The following WAC variants were observed in gnomAD, a reference collection of about 807,000 sequenced individuals.
WAC encodes WW domain-containing adapter protein with coiled-coil.
A neutral mutation model predicts 79.6 loss-of-function variants in WAC; 11 were observed. The observed-to-expected ratio is 0.14, with a 90% CI of 0.09 to 0.23. The LOEUF is 0.23. Ranked by LOEUF, WAC falls within the 10% of genes least tolerant of loss-of-function variation. WAC has a pLI of 1.00. For missense variants in WAC, 728 were observed against 773.5 expected (o/e 0.94, Z 0.70); for synonymous variants, 304 against 276.9 (o/e 1.10, Z -0.97).
chr10:28,609,107 A>G (rs1166742908), intron 8 of WAC, among the ~76,000 whole-genome samples: 1 of 152,264 alleles, frequency 6.6e-6, no homozygotes, highest in African/African-American at 2.4e-5. Flanking sequence ...TTTTCTGTTG[A>G]AAATGATAAA....
chr10:28,572,182 C>T (rs572757066), intron 3 of WAC, among the ~76,000 whole-genome samples: 1 of 151,292 alleles, frequency 6.6e-6, no homozygotes, highest in Admixed American at 6.6e-5. Context: ...ACTAAAAGTA[C>T]AAAAATTAGC....
At chr10:28,557,742 A>G (rs189146435) in intron 3 of WAC, among the ~76,000 whole-genome samples, 20 of 152,296 alleles carry the variant, frequency 1.3e-4, no homozygotes, top group Admixed American at 1.3e-3. Context: ...TGGAATGTGG[A>G]AAAAATGTCT....
At chr10:28,546,910 T>C (rs1010078811) in intron 3 of WAC, among the ~76,000 whole-genome samples, 1 of 152,062 alleles carries the variant, frequency 6.6e-6, no homozygotes, top group Non-Finnish European at 1.5e-5. Flanking sequence ...ATTTTAAAAA[T>C]CTAAATGAAT....
intron 10 of WAC, 30 bp downstream of exon 10, chr10:28,611,952 A>G (rs762522965): frequency 6.3e-7 from 1 of 1,598,154 alleles, no homozygotes; most frequent in Admixed American, 1.8e-5. Flanking sequence ...CATTCGGAAA[A>G]GAAACTACTT....
chr10:28,538,095 C>A (rs528437799), intron 3 of WAC, among the ~76,000 whole-genome samples: 3 of 152,084 alleles, frequency 2.0e-5, no homozygotes, highest in Non-Finnish European at 4.4e-5. Context: ...ATTGAGAGTA[C>A]ATCTTTGATA....
At chr10:28,544,939 C>G (rs1055409780) in intron 3 of WAC, among the ~76,000 whole-genome samples, 1 of 151,326 alleles carries the variant, frequency 6.6e-6, no homozygotes, top group African/African-American at 2.4e-5. Flanking sequence ...GTGGTGCATA[C>G]CTGTAATCCC....
chr10:28,533,979 T>C lies in WAC; in HGVS notation c.42-19T>C. 2 of 1,605,394 alleles carry C rather than the reference T, an allele frequency of 1.2e-6. No homozygotes were observed. Among genetic ancestry groups the C allele is most frequent in the South Asian group, 2.2e-5 (2 of 90,840 alleles). On this transcript the variant is annotated intron_variant, in intron 1 of 13. Transcript: ENST00000354911. ...CCGCGCCGTGTCTTATGTCGCTGCC[T>C]TCTCTTCCTGTTTTTCAGCTGTCAC...
intron 3 of WAC, among the ~76,000 whole-genome samples, chr10:28,544,119 G>A (rs755192960): frequency 6.6e-6 from 1 of 152,308 alleles, no homozygotes. Flanking sequence ...TTGGCCTCAT[G>A]TGATCCATTC....
chr10:28,573,949 G>A (rs1839110827), intron 3 of WAC, among the ~76,000 whole-genome samples: 1 of 150,266 alleles, frequency 6.7e-6, no homozygotes, highest in Non-Finnish European at 1.5e-5. Context: ...TGAATAAATG[G>A]GCTCATACCA....
At chr10:28,567,782 T>C (rs918189672) in intron 3 of WAC, among the ~76,000 whole-genome samples, 9 of 152,056 alleles carry the variant, frequency 5.9e-5, no homozygotes, top group Admixed American at 5.9e-4. Context: ...GGAGATGAGG[T>C]CCCACTTTAT....
At chr10:28,604,126 C>T (rs1446263828) in intron 7 of WAC, among the ~76,000 whole-genome samples, 1 of 150,562 alleles carries the variant, frequency 6.6e-6, no homozygotes, top group Non-Finnish European at 1.5e-5. Context: ...AAATTTGTCT[C>T]TACATAGTGT....
At chr10:28,601,796 G>A (rs1840661279) in intron 7 of WAC, among the ~76,000 whole-genome samples, 2 of 152,118 alleles carry the variant, frequency 1.3e-5, no homozygotes, top group African/African-American at 4.8e-5. Flanking sequence ...CCAGGAGCAG[G>A]ACACATATTT....
At chr10:28,571,510 T>C (rs945644593) in intron 3 of WAC, among the ~76,000 whole-genome samples, 40 of 152,206 alleles carry the variant, frequency 2.6e-4, no homozygotes, top group African/African-American at 3.6e-4. Context: ...TTTTATGCTG[T>C]TGTTCATAAT....
At chr10:28,608,794 AAAC>A (rs756081095) in intron 8 of WAC, among the ~76,000 whole-genome samples, 10 of 152,198 alleles carry the variant, frequency 6.6e-5, no homozygotes, top group Admixed American at 2.6e-4. Context: ...TGTTTCTAAA[AAAC>A]CTGTATAAAT....
At position 28,618,052 on chromosome 10, in the gene WAC, G is replaced by T; in HGVS notation, c.1874+268G>T. The T allele has an allele frequency of 1.3e-5, 3 of 235,296 alleles. 1 individual carries two copies. The South Asian group carries it at 2.0e-4, about 16-fold the overall frequency. The allele number at this position is 235,296 out of a possible 1,614,324, so 14.6% of individuals were successfully genotyped here. On this transcript the variant is annotated intron_variant, in intron 13 of 13. Transcript: ENST00000354911. ...TATATTACTGAAAAAATGAAATATT[G>T]ACCACAACTAATTATAAATGTCCTC...
At chr10:28,559,015 G>T (rs1321328334) in intron 3 of WAC, among the ~76,000 whole-genome samples, 1 of 152,114 alleles carries the variant, frequency 6.6e-6, no homozygotes, top group Non-Finnish European at 1.5e-5. Flanking sequence ...TTGGAGGTGG[G>T]TGTAATATTT....
intron 3 of WAC, among the ~76,000 whole-genome samples, chr10:28,565,191 A>G (rs748192462): frequency 1.2e-4 from 18 of 152,174 alleles, no homozygotes; most frequent in South Asian, 6.2e-4. Context: ...ATGTCCCACA[A>G]TTTGTTTAAC....
rs78828643 is a variant in WAC, at chr10:28,595,431, T to G, written c.611-302T>G. The stretch of plus-strand genomic sequence containing the variant: ...AACTCCATATGTTGATTTTTTTTTT[T>G]TGTGTTTTGTTTGAACTACAGTGTG... On this transcript the variant is annotated intron_variant, in intron 6 of 13. Transcript: ENST00000354911. Among the ~76,000 whole-genome samples the G allele has an allele frequency of 6.5e-3, 922 of 141,208 alleles. 9 individuals carry two copies. The highest frequency in any genetic ancestry group is 0.019 in the South Asian group (83 of 4,446). The allele number at this position is 141,208 out of a possible 152,430, so 92.6% of individuals were successfully genotyped here.
intron 11 of WAC, 72 bp downstream of exon 11, chr10:28,614,757 T>C (rs904680880): frequency 4.9e-6 from 6 of 1,235,364 alleles, no homozygotes; most frequent in Non-Finnish European, 7.0e-6. Flanking sequence ...TTGAATATTA[T>C]ATCTGTAAAA....
Sources: allele counts gnomAD v4.1 joint callset (sites outside exome capture counted in the v4.1 genomes callset), GRCh38; gene constraint gnomAD v4.1.1; transcripts MANE v1.5; gene names NCBI Gene and HGNC (gene_info 2026-07-23, HGNC 2026-07-21).